The following G3BP1 variants were observed in gnomAD, a reference collection of about 807,000 sequenced individuals.
The protein encoded by G3BP1 is G3BP stress granule assembly factor 1, also known as ras GTPase-activating protein-binding protein 1.
A neutral mutation model predicts 58.6 loss-of-function variants in G3BP1; 35 were observed. That is an observed-to-expected ratio of 0.60 (90% CI 0.46 to 0.79). G3BP1 has a LOEUF of 0.79. G3BP1 is among the 30% of genes least tolerant of loss of function. The probability of loss-of-function intolerance (pLI) is 0.00; values close to 1 mark genes in which losing one functional copy is unlikely to be tolerated. For synonymous variants in G3BP1, 191 were observed against 195.4 expected, an observed-to-expected ratio of 0.98 and a Z score of 0.19; for missense variants, 523 against 580.8, an observed-to-expected ratio of 0.90 and a Z score of 1.02.
At chr5:151,796,748 G>A (rs1413174325) in intron 6 of G3BP1, among the ~76,000 whole-genome samples, 2 of 152,070 alleles carry the variant, frequency 1.3e-5, no homozygotes, top group Non-Finnish European at 1.5e-5. Flanking sequence ...ATTTTTAAGT[G>A]TAAAGTACAG....
In G3BP1 at chr5:151,790,839, A is replaced by G. The variant is rs1224853064; in HGVS notation, c.178-50A>G. ...TTTTTTTTAGTTGGAGGTTATTTAA[A>G]TTTTAAGGCATTCTCAGTTGATTAT... On this transcript the variant is annotated intron_variant, in intron 3 of 11. Coordinates refer to ENST00000356245, the MANE Select transcript of G3BP1 (RefSeq NM_005754.3). The G allele has an allele frequency of 4.5e-6, 5 of 1,102,902 alleles. No homozygotes were observed. In the African/African-American group the frequency reaches 6.3e-5, roughly 14 times the overall value. The allele number at this position is 1,102,902 out of a possible 1,614,324, so 68.3% of individuals were successfully genotyped here.
At chr5:151,794,334 C>T in intron 5 of G3BP1, 85 bp downstream of exon 5, 1 of 743,688 alleles carries the variant, frequency 1.3e-6, no homozygotes, top group Non-Finnish European at 2.4e-6. Flanking sequence ...GGTTTCTTTA[C>T]TGTTTTCATT....
chr5:151,799,122 G>A (rs997270569), intron 7 of G3BP1, 90 bp from the exon 8 acceptor site: 7 of 734,832 alleles, frequency 9.5e-6, no homozygotes, highest in South Asian at 5.7e-5. Flanking sequence ...ATGTGTTACC[G>A]TTTGTTCTGT....
intron 1 of G3BP1, among the ~76,000 whole-genome samples, chr5:151,778,827 C>A (rs189289261): frequency 0.015 from 2,313 of 152,062 alleles, 28 homozygotes; most frequent in Middle Eastern, 0.024. Flanking sequence ...GAGGCCGAGG[C>A]AGGTGGATCA....
chr5:151,773,976 C>T (rs937243344), intron 1 of G3BP1, among the ~76,000 whole-genome samples: 1 of 152,164 alleles, frequency 6.6e-6, no homozygotes, highest in African/African-American at 2.4e-5. Context: ...AAATACAGTT[C>T]TTGGCCTCAG....
intron 11 of G3BP1, among the ~76,000 whole-genome samples, chr5:151,803,206 C>T (rs1762884298): frequency 6.6e-6 from 1 of 152,190 alleles, no homozygotes; most frequent in Admixed American, 6.5e-5. Flanking sequence ...ATGTACTTTG[C>T]ATAAATATGT....
intron 11 of G3BP1, among the ~76,000 whole-genome samples, chr5:151,801,703 G>C (rs1350498610): frequency 6.6e-6 from 1 of 152,030 alleles, no homozygotes; most frequent in Non-Finnish European, 1.5e-5. Context: ...CCACTAATCT[G>C]CTTTCTGTCC....
rs963943445 is a variant in G3BP1, at chr5:151,809,118, G to T, written c.*5027G>T. On this transcript the variant is annotated 3_prime_UTR_variant, in exon 12 of 12. Coordinates refer to ENST00000356245, the MANE Select transcript of G3BP1 (RefSeq NM_005754.3). ...TTGAGCCCAGGAGTTGGAGGCTGCA[G>T]TGAGTTATGATCATACCACTGCACT... 2.0e-5 allele frequency: 3 copies of T among 152,234 alleles called. No individual in the cohort carries two copies. The highest frequency in any genetic ancestry group is 4.4e-5 in the Non-Finnish European group (3 of 68,068). 9.4% of individuals were successfully genotyped at this position (152,234 alleles called of 1,614,324 possible). A position where few individuals can be genotyped will look rare whatever the true frequency, so the allele number is the denominator to read the frequency against.
intron 11 of G3BP1, among the ~76,000 whole-genome samples, chr5:151,801,920 T>A (rs1199357522): frequency 6.6e-6 from 1 of 152,048 alleles, no homozygotes; most frequent in Non-Finnish European, 1.5e-5. Flanking sequence ...GTTCAAGCAG[T>A]TCTCCTGCCT....
chr5:151,795,953 A>G (rs1391281729), intron 6 of G3BP1, among the ~76,000 whole-genome samples: 2 of 152,212 alleles, frequency 1.3e-5, no homozygotes. Flanking sequence ...ATAAATTGAT[A>G]TAAATACCAA....
intron 2 of G3BP1, among the ~76,000 whole-genome samples, chr5:151,789,277 T>C (rs1348891737): frequency 6.6e-6 from 1 of 152,006 alleles, no homozygotes; most frequent in Non-Finnish European, 1.5e-5. Context: ...GCCTTCTCTC[T>C]ATACTAAAAA....
At chr5:151,780,441 G>A (rs1762447297) in intron 1 of G3BP1, among the ~76,000 whole-genome samples, 1 of 152,154 alleles carries the variant, frequency 6.6e-6, no homozygotes, top group African/African-American at 2.4e-5. Flanking sequence ...AAAAATGCAG[G>A]TGGAGTATGG....
At chr5:151,790,463 G>A in intron 3 of G3BP1, 59 bp downstream of exon 3, 1 of 854,542 alleles carries the variant, frequency 1.2e-6, no homozygotes, top group Non-Finnish European at 1.8e-6. Context: ...TCATAAAATT[G>A]AAGTGGATCA....
chr5:151,794,189 A>G lies in G3BP1; in HGVS notation c.382A>G (p.Asn128Asp). The G allele has an allele frequency of 1.2e-6, 2 of 1,610,674 alleles. No individual in the cohort carries two copies. The highest frequency in any genetic ancestry group is 1.7e-6 in the Non-Finnish European group (2 of 1,176,976). ...GSVANKFYVH[N>D]DIFRYQDEVF... The stretch of plus-strand genomic sequence containing the variant: ...TGTTGCAAATAAATTCTATGTTCAC[A>G]ATGATATCTTCAGATACCAAGATGA... The change falls in exon 5 of 12, where the codon AAT becomes GAT. Residue 128 changes from asparagine (N) to aspartate (D), a missense_variant. This residue lies in a region of G3BP1 where 398 missense variants were observed against 399.1 expected (regional missense o/e 1.00). Transcript: ENST00000356245.
At chr5:151,793,200 C>G (rs756748240) in intron 4 of G3BP1, among the ~76,000 whole-genome samples, 7 of 152,130 alleles carry the variant, frequency 4.6e-5, no homozygotes, top group Non-Finnish European at 8.8e-5. Context: ...CCTCCACCTC[C>G]CGGGTTCAAG....
intron 5 of G3BP1, among the ~76,000 whole-genome samples, chr5:151,794,990 C>T (rs114865378): frequency 6.4e-4 from 97 of 152,288 alleles, no homozygotes; most frequent in African/African-American, 2.3e-3. Flanking sequence ...TAAAGTCTAT[C>T]CTTAAGGCTG....
At chr5:151,791,285 T>G (rs916311147) in intron 4 of G3BP1, 10 of 403,112 alleles carry the variant, frequency 2.5e-5, no homozygotes, top group East Asian at 4.0e-5. Flanking sequence ...TTCCTAAGAA[T>G]AATTCTCTTC....
At chr5:151,794,839 A>C (rs1333237324) in intron 5 of G3BP1, among the ~76,000 whole-genome samples, 1 of 152,250 alleles carries the variant, frequency 6.6e-6, no homozygotes. Context: ...TTTACAGATA[A>C]GCAATCATTT....
intron 4 of G3BP1, among the ~76,000 whole-genome samples, chr5:151,792,438 T>C (rs1308225870): frequency 6.6e-6 from 1 of 152,224 alleles, no homozygotes; most frequent in Non-Finnish European, 1.5e-5. Context: ...TGTAAAGATG[T>C]GGTAGACTTC....
Sources: gnomAD v4.1 joint callset for allele counts (sites outside exome capture counted in the v4.1 genomes callset) on GRCh38, gnomAD v4.1.1 for gene constraint, gnomAD v4.1.1 regional missense constraint, MANE v1.5 for transcripts, NCBI Gene and HGNC (gene_info 2026-07-23, HGNC 2026-07-21) for gene names.